Variants in TESMIN observed in about 807,000 individuals in gnomAD.
The protein encoded by TESMIN is testis expressed metallothionein like protein.
In TESMIN, 34 loss-of-function variants were observed where a neutral mutation model predicts 47.4. The observed-to-expected ratio is 0.72, with a 90% confidence interval of 0.55 to 0.96. The LOEUF (loss-of-function observed/expected upper bound fraction) is 0.96. Ranked by LOEUF, TESMIN falls within the 40% of genes least tolerant of loss-of-function variation. The probability of loss-of-function intolerance (pLI) is 0.00; values close to 1 mark genes in which losing one functional copy is unlikely to be tolerated. For missense variants in TESMIN, 610 were observed against 637.2 expected, an observed-to-expected ratio of 0.96 and a Z score of 0.46; for synonymous variants, 278 against 258.9, an observed-to-expected ratio of 1.07 and a Z score of -0.71.
At chr11:68,710,686 G>A in intron 9 of TESMIN, 188 bp downstream of exon 9, 1 of 547,364 alleles carries the variant, frequency 1.8e-6, no homozygotes, top group Non-Finnish European at 3.2e-6. Context: ...CTGCAGCGGG[G>A]CCTCTAAGGA....
At chr11:68,750,115 G>C in intron 2 of TESMIN, 75 bp downstream of exon 2, 3 of 1,219,558 alleles carry the variant, frequency 2.5e-6, no homozygotes, top group South Asian at 1.8e-5. Flanking sequence ...GAAATCCTGG[G>C]GTACACTAGC....
chr11:68,743,767 A>G (rs1049585873), intron 4 of TESMIN, among the ~76,000 whole-genome samples: 1 of 152,162 alleles, frequency 6.6e-6, no homozygotes, highest in Non-Finnish European at 1.5e-5. Flanking sequence ...TTTCTCCTCC[A>G]GGCCTAGGCA....
intron 6 of TESMIN, among the ~76,000 whole-genome samples, chr11:68,730,616 G>A (rs545936196): frequency 2.0e-5 from 3 of 152,178 alleles, no homozygotes; most frequent in African/African-American, 7.2e-5. Flanking sequence ...CCAACATGGT[G>A]AAACCTCGTC....
chr11:68,744,868 C>A (rs868772662), intron 4 of TESMIN, 123 bp downstream of exon 4: 4 of 753,590 alleles, frequency 5.3e-6, no homozygotes, highest in Middle Eastern at 3.9e-4. Flanking sequence ...ATATGGACTA[C>A]GAGGTTTGCC....
chr11:68,714,903 TTTG>T (rs1250027978), intron 7 of TESMIN, among the ~76,000 whole-genome samples: 1 of 152,226 alleles, frequency 6.6e-6, no homozygotes, highest in Non-Finnish European at 1.5e-5. Flanking sequence ...TCCAACCCTT[TTTG>T]TTTTTACAGT....
At chr11:68,747,753 C>G (rs1443599859) in intron 2 of TESMIN, among the ~76,000 whole-genome samples, 1 of 152,152 alleles carries the variant, frequency 6.6e-6, no homozygotes, top group East Asian at 1.9e-4. Context: ...GTAGCCCTTT[C>G]CTGCCTTAAT....
At chr11:68,706,643 C>G (rs1214519759), downstream of TESMIN, among the ~76,000 whole-genome samples, 1 of 152,174 alleles carries the variant, frequency 6.6e-6, no homozygotes, top group Non-Finnish European at 1.5e-5. Flanking sequence ...TACAAGACAC[C>G]CTGCATTTCA....
At chr11:68,736,271 TAA>T (rs1401408680) in intron 6 of TESMIN, 1 of 985,292 alleles carries the variant, frequency 1.0e-6, no homozygotes, top group African/African-American at 1.7e-5. Context: ...GGATTTGTAT[TAA>T]AGAGTTTTTA....
At chr11:68,741,856 G>A (rs566704283) in intron 5 of TESMIN, among the ~76,000 whole-genome samples, 7 of 152,334 alleles carry the variant, frequency 4.6e-5, no homozygotes, top group East Asian at 1.9e-4. Flanking sequence ...AGGCTCTTCC[G>A]GGGAGGTGAC....
intron 7 of TESMIN, among the ~76,000 whole-genome samples, chr11:68,714,425 G>A (rs757035604): frequency 2.0e-5 from 3 of 152,210 alleles, no homozygotes; most frequent in Admixed American, 6.5e-5. Flanking sequence ...GAGGACAGGC[G>A]GCCCCACAGG....
At chr11:68,712,707 G>T (rs1055523041) in intron 8 of TESMIN, among the ~76,000 whole-genome samples, 1 of 152,226 alleles carries the variant, frequency 6.6e-6, no homozygotes, top group Non-Finnish European at 1.5e-5. Flanking sequence ...TCTGCAGCTT[G>T]CTTTGTTAGC....
At chr11:68,722,428 AT>A (rs1946213282) in intron 6 of TESMIN, among the ~76,000 whole-genome samples, 1 of 152,158 alleles carries the variant, frequency 6.6e-6, no homozygotes, top group African/African-American at 2.4e-5. Context: ...TGTTATGCAT[AT>A]TTTGCCACTA....
chr11:68,736,613 A>C (rs1946389804), intron 6 of TESMIN: 6 of 985,296 alleles, frequency 6.1e-6, no homozygotes, highest in Non-Finnish European at 7.2e-6. Context: ...GGATTAAGTA[A>C]TTATGTGCAT....
chr11:68,716,602 G>A (rs1037061496), intron 6 of TESMIN, among the ~76,000 whole-genome samples: 2 of 152,240 alleles, frequency 1.3e-5, no homozygotes, highest in South Asian at 2.1e-4. Flanking sequence ...ACAGGTGGGT[G>A]GCAGTGCTGT....
chr11:68,741,711 C>G lies in TESMIN; in HGVS notation c.828+607G>C, dbSNP rs115187643. Among the ~76,000 whole-genome samples, 881 of 152,184 alleles carry G rather than the reference C, an allele frequency of 5.8e-3. 10 individuals carry two copies. The highest frequency in any genetic ancestry group is 0.02 in the African/African-American group (821 of 41,482). ...GAACGAGACACATATGGCCTCTGCC[C>G]CTATGGAGCCTGCATTCTTGTGGGT... On this transcript the variant is annotated intron_variant, in intron 5 of 9. Transcript: ENST00000255087.
intron 6 of TESMIN, among the ~76,000 whole-genome samples, chr11:68,725,029 T>A (rs1319238714): frequency 6.6e-6 from 1 of 152,146 alleles, no homozygotes. Flanking sequence ...ATGGGGAAGG[T>A]ATCACGGTCC....
intron 7 of TESMIN, among the ~76,000 whole-genome samples, chr11:68,714,772 T>C (rs960943218): frequency 1.3e-5 from 2 of 152,212 alleles, no homozygotes; most frequent in African/African-American, 4.8e-5. Context: ...ATTGGCTATA[T>C]TTGTAGGAAG....
intron 2 of TESMIN, among the ~76,000 whole-genome samples, chr11:68,748,743 A>G (rs2153993460): frequency 6.6e-6 from 1 of 152,358 alleles, no homozygotes; most frequent in Non-Finnish European, 1.5e-5. Flanking sequence ...TTTAAAAAGC[A>G]AAGTCTCTCC....
At position 68,715,775 on chromosome 11, in the gene TESMIN, A is replaced by T; in HGVS notation, c.1020+62T>A. ...ATGAGGAATCTCTGAAGGTGATTTTATGAACATCTCAAACAGTTTGAAATG... is the reference window on the plus strand; with the variant it reads ...ATGAGGAATCTCTGAAGGTGATTTTTTGAACATCTCAAACAGTTTGAAATG... On this transcript the variant is annotated intron_variant, in intron 7 of 9. Transcript: ENST00000255087. 5.0e-6 allele frequency: 6 copies of T among 1,208,044 alleles called. No individual in the cohort carries two copies. The South Asian group carries it at 8.2e-5, about 17-fold the overall frequency. The allele number at this position is 1,208,044 out of a possible 1,614,324, so 74.8% of individuals were successfully genotyped here.
Sources: gnomAD v4.1 joint callset for allele counts (sites outside exome capture counted in the v4.1 genomes callset) on GRCh38, gnomAD v4.1.1 for gene constraint, MANE v1.5 for transcripts, NCBI Gene and HGNC (gene_info 2026-07-23, HGNC 2026-07-21) for gene names.